The following RUNX2 variants were observed in gnomAD, a reference collection of about 807,000 sequenced individuals.
The protein encoded by RUNX2 is runt-related transcription factor 2.
In RUNX2, 10 loss-of-function variants were observed where a neutral mutation model predicts 51.7. The ratio of observed to expected loss-of-function variants is 0.19; its 90% CI spans 0.12 to 0.33. RUNX2 has a LOEUF of 0.33. RUNX2 is among the 10% of genes least tolerant of loss of function. The pLI is 1.00. For synonymous variants in RUNX2, 276 were observed against 273.6 expected (o/e 1.01, Z -0.09); for missense variants, 562 against 691.3 (o/e 0.81, Z 2.10).
intron 2 of RUNX2, among the ~76,000 whole-genome samples, chr6:45,383,625 AAG>A (rs1372045792): frequency 2.0e-5 from 3 of 152,050 alleles, no homozygotes; most frequent in South Asian, 4.2e-4. Flanking sequence ...AAAAAAGAAA[AAG>A]AAAAATATTT....
intron 5 of RUNX2, among the ~76,000 whole-genome samples, chr6:45,483,497 G>A (rs921034417): frequency 1.3e-5 from 2 of 152,132 alleles, no homozygotes; most frequent in African/African-American, 4.8e-5. Flanking sequence ...GACATAAAAT[G>A]TGACACCCAT....
chr6:45,355,834 C>T (rs1193101250), intron 2 of RUNX2, among the ~76,000 whole-genome samples: 1 of 151,974 alleles, frequency 6.6e-6, no homozygotes, highest in Non-Finnish European at 1.5e-5. Context: ...AAAGTAATTC[C>T]AACCAAAAAG....
intron 5 of RUNX2, among the ~76,000 whole-genome samples, chr6:45,473,953 C>A (rs1025101993): frequency 3.3e-5 from 5 of 152,202 alleles, no homozygotes; most frequent in Non-Finnish European, 5.9e-5. Flanking sequence ...AAGAAGCAGG[C>A]TCAGCTGCCG....
chr6:45,443,507 C>A (rs972333274), intron 5 of RUNX2, among the ~76,000 whole-genome samples: 3 of 152,194 alleles, frequency 2.0e-5, no homozygotes, highest in Admixed American at 1.3e-4. Context: ...ACACCAATGT[C>A]ATCAACTTAC....
intron 2 of RUNX2, among the ~76,000 whole-genome samples, chr6:45,392,208 T>C (rs1797485222): frequency 1.3e-5 from 2 of 152,166 alleles, no homozygotes; most frequent in African/African-American, 4.8e-5. Flanking sequence ...TTTTTACTAT[T>C]TATATTTAAA....
intron 2 of RUNX2, among the ~76,000 whole-genome samples, chr6:45,330,638 C>G (rs1265756539): frequency 1.3e-5 from 2 of 151,948 alleles, no homozygotes; most frequent in African/African-American, 4.8e-5. Context: ...TAACAGGGAT[C>G]TTATACTTCT....
At chr6:45,347,521 C>A (rs956172976) in intron 2 of RUNX2, among the ~76,000 whole-genome samples, 1 of 151,954 alleles carries the variant, frequency 6.6e-6, no homozygotes, top group Non-Finnish European at 1.5e-5. Context: ...AAAATCTGAC[C>A]TTTAATATAT....
At chr6:45,482,867 A>G (rs1035698510) in intron 5 of RUNX2, among the ~76,000 whole-genome samples, 1 of 152,184 alleles carries the variant, frequency 6.6e-6, no homozygotes, top group East Asian at 1.9e-4. Context: ...TTCTCTCTTG[A>G]TAAACGCCGA....
At chr6:45,347,600 A>C (rs927080115) in intron 2 of RUNX2, among the ~76,000 whole-genome samples, 1 of 152,144 alleles carries the variant, frequency 6.6e-6, no homozygotes, top group African/African-American at 2.4e-5. Flanking sequence ...ATTCCCCAGC[A>C]TTCTTGGGGT....
rs57751711 is a variant in RUNX2 at position 45,349,174 on chromosome 6, A to G, written c.58+20390A>G. ...CTAGGGACAACTACACTAGAGGGGG[A>G]AAAAAGAATATCGCTAGTATTTCAG... On this transcript the variant is annotated intron_variant, in intron 2 of 8. Coordinates refer to ENST00000647337, the MANE Select transcript of RUNX2 (RefSeq NM_001024630.4). Among the ~76,000 whole-genome samples, 592 of 152,250 alleles carry G rather than the reference A, an allele frequency of 3.9e-3. 7 individuals are homozygous for G. The highest frequency in any genetic ancestry group is 0.014 in the African/African-American group (564 of 41,552).
At chr6:45,440,412 T>C (rs1410124156) in intron 5 of RUNX2, among the ~76,000 whole-genome samples, 2 of 152,168 alleles carry the variant, frequency 1.3e-5, no homozygotes, top group Non-Finnish European at 2.9e-5. Context: ...GATTAGTTGG[T>C]GCATATAATG....
chr6:45,442,987 G>A (rs1175263471), intron 5 of RUNX2, among the ~76,000 whole-genome samples: 1 of 151,448 alleles, frequency 6.6e-6, no homozygotes, highest in South Asian at 2.1e-4. Context: ...CTCACATGGC[G>A]GCAGCTCAGG....
intron 8 of RUNX2, among the ~76,000 whole-genome samples, chr6:45,545,613 A>G (rs903026004): frequency 4.6e-5 from 7 of 152,246 alleles, no homozygotes; most frequent in African/African-American, 7.2e-5. Flanking sequence ...AGAATTGTTT[A>G]GTGCTTTCCT....
At chr6:45,335,757 C>T (rs544979689) in intron 2 of RUNX2, among the ~76,000 whole-genome samples, 1 of 151,124 alleles carries the variant, frequency 6.6e-6, no homozygotes, top group Non-Finnish European at 1.5e-5. Flanking sequence ...TGAGAAAACT[C>T]CCATCAAGAC....
intron 7 of RUNX2, among the ~76,000 whole-genome samples, chr6:45,543,544 A>T (rs1223053154): frequency 1.3e-5 from 2 of 152,176 alleles, no homozygotes; most frequent in Non-Finnish European, 2.9e-5. Context: ...CTTTGGTTTT[A>T]TATTTAGAAA....
intron 5 of RUNX2, among the ~76,000 whole-genome samples, chr6:45,465,599 A>G (rs986346111): frequency 1.3e-5 from 2 of 151,694 alleles, no homozygotes; most frequent in Non-Finnish European, 2.9e-5. Context: ...TAGGAACTTG[A>G]TGAAAACTAC....
At chr6:45,478,656 G>GTT (rs1800026937) in intron 5 of RUNX2, among the ~76,000 whole-genome samples, 1 of 152,066 alleles carries the variant, frequency 6.6e-6, no homozygotes, top group African/African-American at 2.4e-5. Flanking sequence ...GTGTGTGTGT[G>GTT]TGTGTGTATT....
chr6:45,483,119 C>T (rs1024928716), intron 5 of RUNX2, among the ~76,000 whole-genome samples: 1 of 152,192 alleles, frequency 6.6e-6, no homozygotes, highest in Non-Finnish European at 1.5e-5. Context: ...TGTCTCTACT[C>T]ACGAGCTATC....
intron 5 of RUNX2, among the ~76,000 whole-genome samples, chr6:45,483,849 G>A (rs886510461): frequency 6.6e-6 from 1 of 152,200 alleles, no homozygotes; most frequent in African/African-American, 2.4e-5. Flanking sequence ...TTGGACTGTC[G>A]ATAGACCAGT....
Sources: gnomAD v4.1 joint callset for allele counts (sites outside exome capture counted in the v4.1 genomes callset) on GRCh38, gnomAD v4.1.1 for gene constraint, MANE v1.5 for transcripts, NCBI Gene and HGNC (gene_info 2026-07-23, HGNC 2026-07-21) for gene names.